MTPN: variants seen among roughly 807,000 people sequenced by gnomAD.
MTPN encodes the protein granule cell differentiation protein.
In MTPN, 2 loss-of-function variants were observed where a neutral mutation model predicts 13.5. The observed-to-expected ratio is 0.15, with a 90% CI of 0.06 to 0.47. The LOEUF (loss-of-function observed/expected upper bound fraction) is 0.47, where lower values mean the gene tolerates loss of function less well. Ranked by LOEUF, MTPN falls within the 20% of genes least tolerant of loss-of-function variation. The pLI is 0.97. For missense variants in MTPN, 79 were observed against 137.9 expected (o/e 0.57, Z 2.14); for synonymous variants, 46 against 51.7 (o/e 0.89, Z 0.48).
At position 135,929,771 on chromosome 7, in the gene MTPN, T is replaced by C. The variant is rs1305963894; in HGVS notation, c.*155A>G. ...CCCTCCTCCAAAACAATTTTTTTTT[T>C]CTGGTAGTCGGATTTGTTATGAATT... On this transcript the variant is annotated 3_prime_UTR_variant, in exon 4 of 4. Transcript: ENST00000393085. 1.4e-5 allele frequency: 10 copies of C among 716,304 alleles called. No homozygotes were observed. In the Admixed American group the frequency reaches 1.9e-4, roughly 14 times the overall value. 44.4% of individuals were successfully genotyped at this position (716,304 alleles called of 1,614,324 possible). A position where few individuals can be genotyped will look rare whatever the true frequency, so the allele number is the denominator to read the frequency against.
chr7:135,936,579 C>T (rs1255441738), intron 3 of MTPN, among the ~76,000 whole-genome samples: 1 of 152,208 alleles, frequency 6.6e-6, no homozygotes. Flanking sequence ...TAAAGACAGA[C>T]TGCTGTGAAT....
chr7:135,957,189 A>G (rs1488719992), intron 1 of MTPN, among the ~76,000 whole-genome samples: 1 of 152,238 alleles, frequency 6.6e-6, no homozygotes, highest in African/African-American at 2.4e-5. Flanking sequence ...TAACATATAT[A>G]ATGTATATAC....
At chr7:135,965,711 TACAA>T (rs1799594273) in intron 1 of MTPN, among the ~76,000 whole-genome samples, 1 of 152,148 alleles carries the variant, frequency 6.6e-6, no homozygotes, top group South Asian at 2.1e-4. Context: ...CTGTTGTCAC[TACAA>T]ACAGTGTGGG....
chr7:135,939,479 GC>G (rs1431439599), intron 3 of MTPN, among the ~76,000 whole-genome samples: 2 of 150,632 alleles, frequency 1.3e-5, no homozygotes, highest in African/African-American at 4.9e-5. Context: ...CCTAATTTTG[GC>G]CTTAGCTCTT....
intron 1 of MTPN, 94 bp downstream of exon 1, chr7:135,976,935 A>AACCCCCCCT: frequency 4.2e-6 from 1 of 239,440 alleles, no homozygotes. Context: ...CCTCCCGCCC[A>AACCCCCCCT]CCCCCATCCC....
At position 135,977,147 on chromosome 7, in the gene MTPN, G is replaced by T; in HGVS notation, c.-47C>A. The T allele has an allele frequency of 6.3e-7, 1 of 1,597,758 alleles. No homozygotes were observed. On this transcript the variant is annotated 5_prime_UTR_variant, in exon 1 of 4. Coordinates refer to ENST00000393085, the MANE Select transcript of MTPN (RefSeq NM_145808.4). The stretch of plus-strand genomic sequence containing the variant: ...TTGGCCGGGCAGAAGATGAGGAGGC[G>T]GTGGCAGCAGCAAGCGGATGCCGCC...
intron 3 of MTPN, among the ~76,000 whole-genome samples, chr7:135,947,149 C>T (rs1772176611): frequency 6.6e-6 from 1 of 152,152 alleles, no homozygotes; most frequent in South Asian, 2.1e-4. Flanking sequence ...TACTAATTCA[C>T]ACTAACTTCT....
Position 135,927,471 on chromosome 7 carries a change from A to C in MTPN, c.*2455T>G. 1.3e-6 allele frequency: 2 copies of C among 1,505,746 alleles called. No homozygotes were observed. The highest frequency in any genetic ancestry group is 1.8e-6 in the Non-Finnish European group (2 of 1,120,112). 93.3% of individuals were successfully genotyped at this position (1,505,746 alleles called of 1,614,324 possible). A position where few individuals can be genotyped will look rare whatever the true frequency, so the allele number is the denominator to read the frequency against. The stretch of plus-strand genomic sequence containing the variant: ...TTAATACAAAACTACAGAACATGCA[A>C]AATTTTTTCTGAGATGTTAAGTATT... On this transcript the variant is annotated 3_prime_UTR_variant, in exon 4 of 4. Transcript: ENST00000393085.
At chr7:135,951,693 G>A (rs1386579227) in intron 1 of MTPN, 63 bp from the exon 2 acceptor site, 5 of 1,027,864 alleles carry the variant, frequency 4.9e-6, no homozygotes, top group Admixed American at 4.1e-5. Flanking sequence ...AGTGAAATGA[G>A]GCACCTGATA....
At chr7:135,945,963 AAATAAT>A (rs993959073) in intron 3 of MTPN, among the ~76,000 whole-genome samples, 6 of 152,184 alleles carry the variant, frequency 3.9e-5, no homozygotes, top group African/African-American at 1.2e-4. Context: ...GCACAGGAAG[AAATAAT>A]AATAATAAAA....
chr7:135,933,658 A>G (rs1799064576), intron 3 of MTPN, among the ~76,000 whole-genome samples: 1 of 152,200 alleles, frequency 6.6e-6, no homozygotes, highest in African/African-American at 2.4e-5. Context: ...TTGTTCCAAT[A>G]TTGCAACCCT....
intron 3 of MTPN, among the ~76,000 whole-genome samples, chr7:135,940,363 T>C (rs1799190355): frequency 6.6e-6 from 1 of 152,198 alleles, no homozygotes; most frequent in Admixed American, 6.5e-5. Context: ...CACATTTAAT[T>C]TCATATTTAA....
intron 3 of MTPN, among the ~76,000 whole-genome samples, chr7:135,934,475 A>G (rs1486008669): frequency 2.6e-5 from 4 of 152,206 alleles, no homozygotes; most frequent in African/African-American, 4.8e-5. Flanking sequence ...TCATTTGTGC[A>G]TATCCCAGTA....
At chr7:135,964,573 T>C (rs1181535737) in intron 1 of MTPN, among the ~76,000 whole-genome samples, 2 of 152,068 alleles carry the variant, frequency 1.3e-5, no homozygotes, top group Non-Finnish European at 2.9e-5. Flanking sequence ...TCTAAATTAG[T>C]TCCTATTTGT....
intron 3 of MTPN, among the ~76,000 whole-genome samples, chr7:135,948,214 T>C (rs1314012233): frequency 6.6e-6 from 1 of 152,138 alleles, no homozygotes. Flanking sequence ...AAAATCTGCC[T>C]AACAAAACTA....
rs1306707709 is a variant in MTPN at position 135,941,904 on chromosome 7, C to T, written c.270+8695G>A. ...TACTTTTTTTTTTTTTTTTTTGAGACGGGAGTTTCATTTTTGTTGCCCAGG... is the reference window on the plus strand; with the variant it reads ...TACTTTTTTTTTTTTTTTTTTGAGATGGGAGTTTCATTTTTGTTGCCCAGG... On this transcript the variant is annotated intron_variant, in intron 3 of 3. Coordinates refer to ENST00000393085, the MANE Select transcript of MTPN (RefSeq NM_145808.4). Among the ~76,000 whole-genome samples, 6 of 136,488 alleles carry T rather than the reference C, an allele frequency of 4.4e-5. No homozygotes were observed. In the East Asian group the frequency reaches 1.3e-3, roughly 29 times the overall value. The allele number at this position is 136,488 out of a possible 152,430, so 89.5% of individuals were successfully genotyped here.
chr7:135,974,998 A>C (rs1045556300), intron 1 of MTPN, among the ~76,000 whole-genome samples: 2 of 152,254 alleles, frequency 1.3e-5, no homozygotes, highest in Admixed American at 6.5e-5. Context: ...ACATCAGATT[A>C]CATTACAGTT....
At chr7:135,959,679 G>C (rs1799493807) in intron 1 of MTPN, among the ~76,000 whole-genome samples, 2 of 152,050 alleles carry the variant, frequency 1.3e-5, no homozygotes, top group South Asian at 4.1e-4. Flanking sequence ...CAATGTTATT[G>C]GCTGTATAGG....
At position 135,927,155 on chromosome 7, in the gene MTPN, A is replaced by T; in HGVS notation, c.*2771T>A. The T allele has an allele frequency of 1.4e-6, 1 of 722,084 alleles. No homozygotes were observed. The highest frequency in any genetic ancestry group is 2.1e-6 in the Non-Finnish European group (1 of 470,316). The allele number at this position is 722,084 out of a possible 1,614,324, so 44.7% of individuals were successfully genotyped here. A position where few individuals can be genotyped will look rare whatever the true frequency, so the allele number is the denominator to read the frequency against. ...AATATTAGAAAAAAAAATCAAACAG[A>T]TACATACAGATTTAAAATCCAGTAC... On this transcript the variant is annotated 3_prime_UTR_variant, in exon 4 of 4. Transcript: ENST00000393085.
Sources: gnomAD v4.1 joint callset for allele counts (sites outside exome capture counted in the v4.1 genomes callset) on GRCh38, gnomAD v4.1.1 for gene constraint, MANE v1.5 for transcripts, NCBI Gene and HGNC (gene_info 2026-07-23, HGNC 2026-07-21) for gene names.